RFC4: variants seen among roughly 807,000 people sequenced by gnomAD.
RFC4 encodes replication factor C subunit 4.
Under a neutral mutation model 47.6 loss-of-function variants are expected in RFC4, and 38 were observed. The observed-to-expected ratio is 0.80, with a 90% confidence interval of 0.62 to 1.05. The LOEUF is 1.05. RFC4 is among the 50% of genes least tolerant of loss of function. RFC4 has a pLI of 0.00. For synonymous variants in RFC4, 164 were observed against 150.0 expected, an observed-to-expected ratio of 1.09 and a Z score of -0.68; for missense variants, 489 against 434.0, an observed-to-expected ratio of 1.13 and a Z score of -1.13.
At chr3:186,790,959 C>T (rs1722108888) in intron 8 of RFC4, among the ~76,000 whole-genome samples, 1 of 152,058 alleles carries the variant, frequency 6.6e-6, no homozygotes, top group Non-Finnish European at 1.5e-5. Context: ...GGAAGGCCTA[C>T]CGTGCAGGTG....
At position 186,791,557 on chromosome 3, in the gene RFC4, A is replaced by T. The variant is rs1043695264; in HGVS notation, c.801+168T>A. On this transcript the variant is annotated intron_variant, in intron 8 of 10. Coordinates refer to ENST00000296273, the MANE Select transcript of RFC4 (RefSeq NM_002916.5). ...TACATGCCTGACAAACTGAAAAGTC[A>T]GTGCTATCTCCTCACCTCAAACACT... is the stretch of plus-strand genomic sequence containing the variant. The T allele has an allele frequency of 6.0e-6, 4 of 669,944 alleles. No individual in the cohort carries two copies. In the Admixed American group the frequency reaches 8.9e-5, roughly 15 times the overall value. 41.5% of individuals were successfully genotyped at this position (669,944 alleles called of 1,614,324 possible). A position where few individuals can be genotyped will look rare whatever the true frequency, so the allele number is the denominator to read the frequency against.
Position 186,797,556 on chromosome 3 carries a change from G to A in RFC4, c.269C>T (p.Ala90Val). 1 of 1,611,096 alleles carries A rather than the reference G, an allele frequency of 6.2e-7. No homozygotes were observed. The highest frequency in any genetic ancestry group is 8.5e-7 in the Non-Finnish European group (1 of 1,177,906). ...PGTGKTSTIL[A>V]AARELFGPEL... is the part of the protein sequence containing the mutation. ...GTACCCAAAGAGTTCTCTAGCTGCT[G>A]CCAAAATAGTGGATGTTTTTCCAGT... Residue 90 changes from alanine to valine, a missense_variant, in exon 4 of 11, where the codon GCA (alanine) becomes GTA (valine). Coordinates refer to ENST00000296273, the MANE Select transcript of RFC4 (RefSeq NM_002916.5).
chr3:186,804,782 G>C lies in RFC4; in HGVS notation c.-11-58C>G. Reference sequence around the variant, plus strand: ...TTATTGAAACTTTTATTGCGAATCAGCACCATAGGAAAGCGGGGGTGGTGG... The same window carrying C: ...TTATTGAAACTTTTATTGCGAATCACCACCATAGGAAAGCGGGGGTGGTGG... On this transcript the variant is annotated intron_variant, in intron 1 of 10. Coordinates refer to ENST00000296273, the MANE Select transcript of RFC4 (RefSeq NM_002916.5). 3 of 1,539,408 alleles carry C rather than the reference G, an allele frequency of 1.9e-6. No homozygotes were observed. The South Asian group carries it at 3.6e-5, about 18-fold the overall frequency.
chr3:186,804,473 T>C, intron 2 of RFC4, 110 bp downstream of exon 2: 1 of 1,141,662 alleles, frequency 8.8e-7, no homozygotes, highest in Non-Finnish European at 1.2e-6. Flanking sequence ...AAAGACAACT[T>C]CTAAACAGAA....
chr3:186,805,622 GT>G (rs1722462253), intron 1 of RFC4: 1 of 152,106 alleles, frequency 6.6e-6, no homozygotes, highest in Non-Finnish European at 1.5e-5. Flanking sequence ...AGAAACAGCT[GT>G]TTTTCTCATA....
At chr3:186,800,867 G>A (rs1224543010) in intron 3 of RFC4, among the ~76,000 whole-genome samples, 2 of 152,078 alleles carry the variant, frequency 1.3e-5, no homozygotes, top group East Asian at 3.8e-4. Flanking sequence ...CTTGTTCTAT[G>A]TCTATGTTTC....
intron 4 of RFC4, among the ~76,000 whole-genome samples, chr3:186,797,077 A>G (rs1179429237): frequency 6.6e-6 from 1 of 152,216 alleles, no homozygotes; most frequent in African/African-American, 2.4e-5. Flanking sequence ...AAGGAGCTGG[A>G]CTGGCCACTC....
At chr3:186,804,015 C>G (rs905895090) in intron 2 of RFC4, among the ~76,000 whole-genome samples, 1 of 151,954 alleles carries the variant, frequency 6.6e-6, no homozygotes, top group African/African-American at 2.4e-5. Context: ...AACCCCGTCT[C>G]TACTAAAAAT....
At chr3:186,801,852 T>C (rs1722363280) in intron 2 of RFC4, among the ~76,000 whole-genome samples, 1 of 149,970 alleles carries the variant, frequency 6.7e-6, no homozygotes, top group Admixed American at 6.6e-5. Context: ...GGAGAAACAC[T>C]GTCTCTACTA....
chr3:186,804,648 T>A lies in RFC4; in HGVS notation c.66A>T (p.Val22=). 6.2e-7 allele frequency: 1 copy of A among 1,614,164 alleles called. No individual in the cohort carries two copies. The highest frequency in any genetic ancestry group is 8.5e-7 in the Non-Finnish European group (1 of 1,180,008). ...CTCCGCTACTTCCCGCACTGGCAGC[T>A]ACTCCTCGATCCTTGGTCAGCGGGG... ...TKPPLTKDRG[V]AASAGSSGEN... Residue 22 remains valine, a synonymous_variant, in exon 2 of 11, where the codon GTA becomes GTT. Coordinates refer to ENST00000296273, the MANE Select transcript of RFC4 (RefSeq NM_002916.5).
intron 4 of RFC4, 42 bp from the exon 5 acceptor site, chr3:186,794,819 A>G (rs1210683327): frequency 6.2e-7 from 1 of 1,608,144 alleles, no homozygotes; most frequent in Non-Finnish European, 8.5e-7. Flanking sequence ...GAGCACAAGT[A>G]GGCTTAAATC....
At chr3:186,798,785 A>G (rs1722295210) in intron 3 of RFC4, among the ~76,000 whole-genome samples, 1 of 152,060 alleles carries the variant, frequency 6.6e-6, no homozygotes, top group Admixed American at 6.6e-5. Context: ...CTATTCTCTC[A>G]TTAGTGTTTG....
chr3:186,800,365 A>C (rs945805810), intron 3 of RFC4, among the ~76,000 whole-genome samples: 1 of 152,234 alleles, frequency 6.6e-6, no homozygotes, highest in African/African-American at 2.4e-5. Flanking sequence ...CTGTAGTAAT[A>C]TAATTTCAGC....
intron 9 of RFC4, 23 bp downstream of exon 9, chr3:186,790,303 C>T (rs1175924855): frequency 6.2e-7 from 1 of 1,612,104 alleles, no homozygotes; most frequent in Non-Finnish European, 8.5e-7. Context: ...TTCCTTTCCC[C>T]AAAGTTAGTA....
At chr3:186,791,560 G>A in intron 8 of RFC4, 165 bp downstream of exon 8, 1 of 691,404 alleles carries the variant, frequency 1.4e-6, no homozygotes, top group South Asian at 1.5e-5. Flanking sequence ...AAAAGTCAGT[G>A]CTATCTCCTC....
Position 186,791,614 on chromosome 3 carries a change from C to T in RFC4, c.801+111G>A, listed in dbSNP as rs771547460. The stretch of plus-strand genomic sequence containing the variant: ...CTCCCAGGTTATTCCCTTATACTTC[C>T]TAGTGCAGTACTTGGCACTTGCTAA... On this transcript the variant is annotated intron_variant, in intron 8 of 10. Coordinates refer to ENST00000296273, the MANE Select transcript of RFC4 (RefSeq NM_002916.5). 4 of 905,460 alleles carry T rather than the reference C, an allele frequency of 4.4e-6. No individual in the cohort carries two copies. The African/African-American group carries it at 6.5e-5, about 15-fold the overall frequency. 56.1% of individuals were successfully genotyped at this position (905,460 alleles called of 1,614,324 possible).
rs778377589 is a variant in RFC4, at chr3:186,790,211, T to C, written c.927A>G (p.Gln309=). 6.2e-7 allele frequency: 1 copy of C among 1,614,052 alleles called. No homozygotes were observed. Among genetic ancestry groups the C allele is most frequent in the Middle Eastern group, 1.6e-4 (1 of 6,062 alleles). Residue 309 remains glutamine, a synonymous_variant, in exon 10 of 11, where the codon CAA becomes CAG. Coordinates refer to ENST00000296273, the MANE Select transcript of RFC4 (RefSeq NM_002916.5). ...EGHAATQLVN[Q]LHDVVVENNL... ...TATTTTCTACAACCACATCATGGAG[T>C]TGATTGACGAGCTGAGTTGCTGCAT...
intron 2 of RFC4, among the ~76,000 whole-genome samples, chr3:186,801,811 G>A (rs1722362123): frequency 6.6e-6 from 1 of 151,386 alleles, no homozygotes; most frequent in African/African-American, 2.4e-5. Context: ...ATCACCTGAG[G>A]TCAGGAGTTC....
At position 186,792,479 on chromosome 3, in the gene RFC4, T is replaced by C. The variant is rs747580005; in HGVS notation, c.675+11A>G. ...TTAGTAACTCTAATAATTGTAATAA[T>C]TAGTAATTACCTCATCACTAATTTT... On this transcript the variant is annotated intron_variant, in intron 7 of 10. Transcript: ENST00000296273. 1.2e-6 allele frequency: 2 copies of C among 1,606,018 alleles called. No homozygotes were observed. The highest frequency in any genetic ancestry group is 1.7e-6 in the Non-Finnish European group (2 of 1,173,204).
Sources: gnomAD v4.1 joint callset for allele counts (sites outside exome capture counted in the v4.1 genomes callset) on GRCh38, gnomAD v4.1.1 for gene constraint, MANE v1.5 for transcripts, NCBI Gene and HGNC (gene_info 2026-07-23, HGNC 2026-07-21) for gene names.